IGSF3: variants seen among roughly 807,000 people sequenced by gnomAD.
IGSF3 encodes immunoglobulin superfamily member 3, also known as glu-Trp-Ile EWI motif-containing protein 3.
IGSF3 carries 23 observed loss-of-function variants against 114.4 expected under a neutral mutation model. That is an observed-to-expected ratio of 0.20 (90% CI 0.14 to 0.28). IGSF3 has a LOEUF of 0.28. Ranked by LOEUF, IGSF3 falls within the 10% of genes least tolerant of loss-of-function variation. The pLI is 1.00. For missense variants in IGSF3, 1,172 were observed against 1,591.5 expected, an observed-to-expected ratio of 0.74 and a Z score of 4.48; for synonymous variants, 571 against 645.2, an observed-to-expected ratio of 0.88 and a Z score of 1.74.
chr1:116,643,562 C>A (rs1648207232), intron 2 of IGSF3, among the ~76,000 whole-genome samples: 2 of 152,252 alleles, frequency 1.3e-5, no homozygotes, highest in Non-Finnish European at 2.9e-5. Context: ...CTGTGGCCAG[C>A]CTGTCCCAGG....
chr1:116,598,724 G>A lies in IGSF3; in HGVS notation c.2029+1217C>T, dbSNP rs1660444301. On this transcript the variant is annotated intron_variant, in intron 7 of 10. Transcript: ENST00000369486. This position sits in a 1 kb window ranked among gnomAD's most constrained non-coding sequence, Gnocchi z 4.3. Reference sequence around the variant, plus strand: ...TCAAACCCTTGCCCTTGCCTGCACAGGTGTCTGTTCCAGCCGAGGCATGGG... The same window carrying A: ...TCAAACCCTTGCCCTTGCCTGCACAAGTGTCTGTTCCAGCCGAGGCATGGG... 6.6e-6 allele frequency among the ~76,000 whole-genome samples: 1 copy of A among 152,204 alleles called. No individual in the cohort carries two copies. The highest frequency in any genetic ancestry group is 2.4e-5 in the African/African-American group (1 of 41,452).
rs2101365067 is a variant in IGSF3 at position 116,589,945 on chromosome 1, C to G, written c.2030-841G>C. On this transcript the variant is annotated intron_variant, in intron 7 of 10. Transcript: ENST00000369486. This position sits in a 1 kb window ranked among gnomAD's most constrained non-coding sequence, Gnocchi z 5.7. ...ATCGCTGCACCCCCAGAGCCTAGCA[C>G]AGCACCTGGGCCAGGAAAGCATTTG... 6.6e-6 allele frequency among the ~76,000 whole-genome samples: 1 copy of G among 152,296 alleles called. No individual in the cohort carries two copies. The highest frequency in any genetic ancestry group is 1.5e-5 in the Non-Finnish European group (1 of 68,030).
intron 2 of IGSF3, among the ~76,000 whole-genome samples, chr1:116,635,329 CCT>C (rs1342699694): frequency 2.6e-5 from 4 of 152,176 alleles, no homozygotes; most frequent in African/African-American, 9.7e-5. Flanking sequence ...CAAAACAATC[CCT>C]GTTATAGTTG....
rs1419796898 is a variant in IGSF3, at chr1:116,593,459, C to T, written c.2030-4355G>A. Among the ~76,000 whole-genome samples the T allele has an allele frequency of 1.3e-5, 2 of 152,148 alleles. No individual in the cohort carries two copies. Among genetic ancestry groups the T allele is most frequent in the African/African-American group, 2.4e-5 (1 of 41,414 alleles). On this transcript the variant is annotated intron_variant, in intron 7 of 10. Coordinates refer to ENST00000369486, the MANE Select transcript of IGSF3 (RefSeq NM_001007237.3). The surrounding 1 kb of genome is among the most constrained non-coding windows in gnomAD (Gnocchi z 4.5). ...TAGAGATAGAGGCGGCCAGTGGCTG[C>T]GGCAGGAGATGTTTCAAGTGGAGAG... is the stretch of plus-strand genomic sequence containing the variant.
rs1661050958 is a variant in IGSF3, at chr1:116,612,301, T to C, written c.832+1464A>G. ...GCTGCTAAATGTCCTACAGAGCAGA[T>C]AAAGTGCTCCCTATCCCTACCAACC... On this transcript the variant is annotated intron_variant, in intron 4 of 10. Transcript: ENST00000369486. This position sits in a 1 kb window ranked among gnomAD's most constrained non-coding sequence, Gnocchi z 4.1. Among the ~76,000 whole-genome samples the C allele has an allele frequency of 6.6e-6, 1 of 152,186 alleles. No homozygotes were observed.
rs1050615379 is a variant in IGSF3, at chr1:116,649,552, T to A, written c.43+16732A>T. Among the ~76,000 whole-genome samples the A allele has an allele frequency of 2.0e-5, 3 of 152,232 alleles. No individual in the cohort carries two copies. Among genetic ancestry groups the A allele is most frequent in the African/African-American group, 7.2e-5 (3 of 41,452 alleles). On this transcript the variant is annotated intron_variant, in intron 2 of 10. Coordinates refer to ENST00000369486, the MANE Select transcript of IGSF3 (RefSeq NM_001007237.3). The surrounding 1 kb of genome is among the most constrained non-coding windows in gnomAD (Gnocchi z 4.5). ...CTCTTCCATCTTCCTCCCCTAGATA[T>A]CCATCTTACCCTTCTTCACCAGTTA...
At chr1:116,641,538 A>C (rs1648102674) in intron 2 of IGSF3, among the ~76,000 whole-genome samples, 1 of 144,710 alleles carries the variant, frequency 6.9e-6, no homozygotes, top group Non-Finnish European at 1.5e-5. Context: ...AAGAAAAGAA[A>C]AGAAAGAAAG....
At chr1:116,652,089 C>T (rs1430737513) in intron 2 of IGSF3, among the ~76,000 whole-genome samples, 2 of 152,182 alleles carry the variant, frequency 1.3e-5, no homozygotes, top group Non-Finnish European at 1.5e-5. Context: ...ACGTCACTAA[C>T]TTGGAATTTC....
chr1:116,641,326 C>T (rs111579917), intron 2 of IGSF3, among the ~76,000 whole-genome samples: 48 of 151,734 alleles, frequency 3.2e-4, no homozygotes, highest in African/African-American at 1.1e-3. Flanking sequence ...GGAAAACCCA[C>T]CTCTACTAAA....
intron 2 of IGSF3, among the ~76,000 whole-genome samples, chr1:116,620,531 T>C (rs966538202): frequency 1.8e-4 from 28 of 152,226 alleles, no homozygotes; most frequent in East Asian, 1.3e-3. Flanking sequence ...ACGTGACCAA[T>C]AGGAAATGCA....
chr1:116,662,789 A>C lies in IGSF3; in HGVS notation c.43+3495T>G, dbSNP rs1649167567. Among the ~76,000 whole-genome samples the C allele has an allele frequency of 6.6e-6, 1 of 152,126 alleles. No individual in the cohort carries two copies. Among genetic ancestry groups the C allele is most frequent in the Non-Finnish European group, 1.5e-5 (1 of 68,018 alleles). On this transcript the variant is annotated intron_variant, in intron 2 of 10. Transcript: ENST00000369486. The surrounding 1 kb of genome is among the most constrained non-coding windows in gnomAD (Gnocchi z 4.3). ...CACAATCCTCATCCCCTTCTTTCAG[A>C]ACCCTTCTCCTGATTGCTCCAAACC... is the stretch of plus-strand genomic sequence containing the variant.
rs1334847307 is a variant in IGSF3, at chr1:116,600,874, G to A, written c.1625-529C>T. Among the ~76,000 whole-genome samples the A allele has an allele frequency of 6.6e-6, 1 of 152,132 alleles. No homozygotes were observed. The highest frequency in any genetic ancestry group is 1.5e-5 in the Non-Finnish European group (1 of 68,038). On this transcript the variant is annotated intron_variant, in intron 6 of 10. Transcript: ENST00000369486. This position sits in a 1 kb window ranked among gnomAD's most constrained non-coding sequence, Gnocchi z 5.5. Reference sequence around the variant, plus strand: ...GTCCCTCATGAAATCCAAAAACAGAGCAGGTGGGGACCTCCAGTGGGGTGG... The same window carrying A: ...GTCCCTCATGAAATCCAAAAACAGAACAGGTGGGGACCTCCAGTGGGGTGG...
intron 2 of IGSF3, among the ~76,000 whole-genome samples, chr1:116,660,897 A>T (rs962272138): frequency 6.6e-6 from 1 of 152,222 alleles, no homozygotes; most frequent in Non-Finnish European, 1.5e-5. Flanking sequence ...TTTTCCTTTG[A>T]ACATAATTGT....
In IGSF3 at chr1:116,616,296, C is replaced by T; in HGVS notation, c.205G>A (p.Val69Met). 3 of 1,612,090 alleles carry T rather than the reference C, an allele frequency of 1.9e-6. No homozygotes were observed. Among genetic ancestry groups the T allele is most frequent in the Non-Finnish European group, 2.5e-6 (3 of 1,179,790 alleles). ...GAGTCCATGGTGCTGACGATCTGCACCTCTCGCTCTGGCGACGAAGGCAGG... is the reference window on the plus strand; with the variant it reads ...GAGTCCATGGTGCTGACGATCTGCATCTCTCGCTCTGGCGACGAAGGCAGG... Reference protein sequence around the residue: ...IYLPSSPEREVQIVSTMDSSF... With the variant: ...IYLPSSPEREMQIVSTMDSSF... The change falls in exon 3 of 11, where the codon GTG (valine) becomes ATG (methionine). Residue 69 changes from valine to methionine, a missense_variant. Physicochemically the swap from Val to Met is conservative, Grantham distance 21. Around this residue, in one of 3 missense-constraint regions of IGSF3, gnomAD observed 736 missense variants for 1,042.0 expected, o/e 0.71. Transcript: ENST00000369486. The surrounding 1 kb of genome is among the most constrained non-coding windows in gnomAD (Gnocchi z 6.6).
chr1:116,621,949 G>A (rs1165550325), intron 2 of IGSF3, among the ~76,000 whole-genome samples: 1 of 152,170 alleles, frequency 6.6e-6, no homozygotes, highest in Admixed American at 6.5e-5. Flanking sequence ...GGGGCAGGAG[G>A]TATGACTCAG....
chr1:116,634,451 C>T lies in IGSF3; in HGVS notation c.44-17994G>A, dbSNP rs1229446529. 3.9e-5 allele frequency among the ~76,000 whole-genome samples: 6 copies of T among 152,162 alleles called. No individual in the cohort carries two copies. The highest frequency in any genetic ancestry group is 5.9e-5 in the Non-Finnish European group (4 of 68,022). On this transcript the variant is annotated intron_variant, in intron 2 of 10. Transcript: ENST00000369486. This position sits in a 1 kb window ranked among gnomAD's most constrained non-coding sequence, Gnocchi z 4.2. ...CACCCACAGCAAGCCTGGCTTCATG[C>T]CCAGAACATCACCTGGCTTTCCTCC...
chr1:116,599,222 C>A (rs1660469005), intron 7 of IGSF3, among the ~76,000 whole-genome samples: 1 of 152,120 alleles, frequency 6.6e-6, no homozygotes, highest in South Asian at 2.1e-4. Context: ...TGCCTATTAC[C>A]CTCCCTCTTT....
intron 2 of IGSF3, among the ~76,000 whole-genome samples, chr1:116,646,500 T>C (rs1418462530): frequency 6.8e-6 from 1 of 145,994 alleles, no homozygotes; most frequent in Non-Finnish European, 1.5e-5. Context: ...AAGGTTAGGT[T>C]TTGGCTCACA....
chr1:116,579,626 G>T lies in IGSF3; in HGVS notation c.3100C>A (p.Leu1034Met). The change falls in exon 10 of 11, where the codon CTG becomes ATG. Residue 1034 changes from leucine (L) to methionine (M), a missense_variant. Leu to Met is a conservative substitution (Grantham distance 15, BLOSUM62 2). Around this residue, in one of 3 missense-constraint regions of IGSF3, gnomAD observed 423 missense variants for 509.8 expected, o/e 0.83. Coordinates refer to ENST00000369486, the MANE Select transcript of IGSF3 (RefSeq NM_001007237.3). The surrounding 1 kb of genome is among the most constrained non-coding windows in gnomAD (Gnocchi z 6.4). ...AAGACAGCATCTGGGCCCACGCTCA[G>T]CAGGGCCGTCCGCTCTGTTGGGTCG... Reference protein sequence around the residue: ...DDDPTERTALLSVGPDAVFGP... With the variant: ...DDDPTERTALMSVGPDAVFGP... 2.5e-6 allele frequency: 4 copies of T among 1,613,980 alleles called. No homozygotes were observed. The highest frequency in any genetic ancestry group is 3.4e-6 in the Non-Finnish European group (4 of 1,179,966).
Sources: allele counts gnomAD v4.1 joint callset (sites outside exome capture counted in the v4.1 genomes callset), GRCh38; gene constraint gnomAD v4.1.1; regional missense constraint gnomAD v4.1.1; non-coding constraint Gnocchi (gnomAD v3.1); transcripts MANE v1.5; gene names NCBI Gene and HGNC (gene_info 2026-07-23, HGNC 2026-07-21).